THADA: variants seen among roughly 807,000 people sequenced by gnomAD.
THADA encodes tRNA (32-2'-O)-methyltransferase regulator THADA.
A neutral mutation model predicts 219.8 loss-of-function variants in THADA; 213 were observed. The ratio of observed to expected loss-of-function variants is 0.97; its 90% CI spans 0.87 to 1.09. THADA has a LOEUF of 1.09. Ranked by LOEUF, THADA falls within the 50% of genes least tolerant of loss-of-function variation. The probability of loss-of-function intolerance (pLI) is 0.00; values close to 1 mark genes in which losing one functional copy is unlikely to be tolerated. For missense variants in THADA, 2,956 were observed against 2,311.3 expected, an observed-to-expected ratio of 1.28 and a Z score of -5.72; for synonymous variants, 1,018 against 828.9, an observed-to-expected ratio of 1.23 and a Z score of -3.92.
At chr2:43,328,043 A>C (rs529743643) in intron 30 of THADA, among the ~76,000 whole-genome samples, 1 of 152,356 alleles carries the variant, frequency 6.6e-6, no homozygotes, top group African/African-American at 2.4e-5. Context: ...GATGGAGGCC[A>C]CATTAAGCCA....
At chr2:43,261,067 G>A (rs971876445) in intron 36 of THADA, among the ~76,000 whole-genome samples, 11 of 151,956 alleles carry the variant, frequency 7.2e-5, no homozygotes, top group Admixed American at 5.2e-4. Context: ...GCTCATGCCT[G>A]TTATTTTGTG....
chr2:43,507,945 G>A (rs1311732119), intron 23 of THADA, among the ~76,000 whole-genome samples: 2 of 152,152 alleles, frequency 1.3e-5, no homozygotes, highest in African/African-American at 2.4e-5. Context: ...CAAGCAGTGT[G>A]TATGTTTTCA....
At chr2:43,346,871 C>G (rs1573188405) in intron 29 of THADA, among the ~76,000 whole-genome samples, 1 of 152,304 alleles carries the variant, frequency 6.6e-6, no homozygotes, top group Middle Eastern at 3.4e-3. Context: ...TGCTTGACCT[C>G]CCCCTCCAAC....
chr2:43,250,057 C>G (rs986200627), intron 36 of THADA, among the ~76,000 whole-genome samples: 1 of 152,144 alleles, frequency 6.6e-6, no homozygotes, highest in African/African-American at 2.4e-5. Context: ...TAGGTACATA[C>G]CCAAGAGAAC....
At chr2:43,460,020 T>TCAGAC (rs1388811828) in intron 26 of THADA, among the ~76,000 whole-genome samples, 1 of 151,924 alleles carries the variant, frequency 6.6e-6, no homozygotes, top group Non-Finnish European at 1.5e-5. Context: ...CTTATATAGT[T>TCAGAC]CAGACACAAG....
chr2:43,500,636 T>C (rs1481498680), intron 24 of THADA, among the ~76,000 whole-genome samples: 1 of 152,196 alleles, frequency 6.6e-6, no homozygotes, highest in Non-Finnish European at 1.5e-5. Flanking sequence ...CTGGGTAGAT[T>C]AAAAATTGCA....
chr2:43,571,042 G>A (rs1256103653), intron 13 of THADA, among the ~76,000 whole-genome samples: 1 of 152,126 alleles, frequency 6.6e-6, no homozygotes, highest in Non-Finnish European at 1.5e-5. Context: ...GACCACTAGA[G>A]TCCAGGAGTT....
chr2:43,320,205 G>A (rs1395321099), intron 31 of THADA, among the ~76,000 whole-genome samples: 3 of 152,170 alleles, frequency 2.0e-5, no homozygotes, highest in Non-Finnish European at 4.4e-5. Context: ...GGGTATCTGA[G>A]TAGAGTTCAC....
chr2:43,563,163 T>C (rs1252429622), intron 15 of THADA: 1 of 152,250 alleles, frequency 6.6e-6, no homozygotes, highest in African/African-American at 2.4e-5. Context: ...TAATTCAAGA[T>C]CTTTTAATGT....
chr2:43,491,314 T>A (rs186951509), intron 25 of THADA, among the ~76,000 whole-genome samples: 1 of 152,238 alleles, frequency 6.6e-6, no homozygotes, highest in African/African-American at 2.4e-5. Context: ...CAATAAAACA[T>A]GTCCCTTTTT....
intron 36 of THADA, among the ~76,000 whole-genome samples, chr2:43,265,333 A>T (rs1671398096): frequency 1.3e-5 from 2 of 152,260 alleles, no homozygotes; most frequent in African/African-American, 4.8e-5. Flanking sequence ...GTATAAAAAT[A>T]GTGTGAAAAA....
intron 36 of THADA, among the ~76,000 whole-genome samples, chr2:43,256,415 T>C (rs757438789): frequency 8.6e-5 from 13 of 151,908 alleles, no homozygotes; most frequent in Non-Finnish European, 1.6e-4. Context: ...CTTTTTGACA[T>C]TGTATTTATT....
intron 34 of THADA, among the ~76,000 whole-genome samples, chr2:43,288,715 C>A (rs1674341800): frequency 6.6e-6 from 1 of 152,214 alleles, no homozygotes; most frequent in Non-Finnish European, 1.5e-5. Flanking sequence ...ATTGCAACAG[C>A]ATGATTGATT....
At chr2:43,272,632 T>A (rs1314161573) in intron 36 of THADA, among the ~76,000 whole-genome samples, 1 of 150,084 alleles carries the variant, frequency 6.7e-6, no homozygotes, top group Non-Finnish European at 1.5e-5. Flanking sequence ...GCTTTTTTTT[T>A]TTTTTTTTTT....
chr2:43,458,937 T>A (rs571331942), intron 26 of THADA, among the ~76,000 whole-genome samples: 1 of 152,242 alleles, frequency 6.6e-6, no homozygotes, highest in Non-Finnish European at 1.5e-5. Flanking sequence ...ATTATGTTGA[T>A]CTTCAAAATA....
At chr2:43,398,238 G>A (rs1343919607) in intron 28 of THADA, 99 bp from the exon 29 acceptor site, 7 of 1,269,770 alleles carry the variant, frequency 5.5e-6, no homozygotes, top group Non-Finnish European at 1.1e-6. Context: ...GGAACATCCA[G>A]GGGTTAGGGG....
At chr2:43,472,922 A>G (rs1359050920) in intron 26 of THADA, among the ~76,000 whole-genome samples, 1 of 152,252 alleles carries the variant, frequency 6.6e-6, no homozygotes, top group Non-Finnish European at 1.5e-5. Context: ...GAGATAAAAA[A>G]AAATGGCACA....
intron 21 of THADA, among the ~76,000 whole-genome samples, chr2:43,540,722 C>A (rs1695185127): frequency 6.6e-6 from 1 of 151,980 alleles, no homozygotes; most frequent in Non-Finnish European, 1.5e-5. Flanking sequence ...CAAAAGTCAG[C>A]CAAAAAAACC....
chr2:43,568,149 T>C (rs922637530), intron 14 of THADA, among the ~76,000 whole-genome samples: 2 of 152,226 alleles, frequency 1.3e-5, no homozygotes, highest in African/African-American at 4.8e-5. Flanking sequence ...GAGCTTCAGC[T>C]TTCTCACTTG....
Sources: allele counts gnomAD v4.1 joint callset (sites outside exome capture counted in the v4.1 genomes callset), GRCh38; gene constraint gnomAD v4.1.1; transcripts MANE v1.5; gene names NCBI Gene and HGNC (gene_info 2026-07-23, HGNC 2026-07-21).